Variants in NCKAP5 observed in about 807,000 individuals in gnomAD.
NCKAP5 encodes the protein NCK associated protein 5.
A neutral mutation model predicts 167.0 loss-of-function variants in NCKAP5; 92 were observed. The ratio of observed to expected loss-of-function variants is 0.55; its 90% CI spans 0.47 to 0.66. NCKAP5 has a LOEUF of 0.66. Ranked by LOEUF, NCKAP5 falls within the 30% of genes least tolerant of loss-of-function variation. The pLI, the probability that NCKAP5 is intolerant of heterozygous loss-of-function variation, is 0.00. For missense variants in NCKAP5, 2,378 were observed against 2,315.0 expected, an observed-to-expected ratio of 1.03 and a Z score of -0.56; for synonymous variants, 891 against 877.4, an observed-to-expected ratio of 1.02 and a Z score of -0.27.
intron 4 of NCKAP5, among the ~76,000 whole-genome samples, chr2:133,243,616 A>C (rs115044243): frequency 5.3e-4 from 80 of 152,290 alleles, no homozygotes; most frequent in Admixed American, 1.5e-3. Flanking sequence ...ACGTTCAACT[A>C]ATCTAAGCCC....
At chr2:133,447,300 C>T (rs1044133020) in intron 3 of NCKAP5, among the ~76,000 whole-genome samples, 2 of 152,202 alleles carry the variant, frequency 1.3e-5, no homozygotes, top group African/African-American at 2.4e-5. Flanking sequence ...AGGTAAATGT[C>T]AAGGTCCTTG....
chr2:133,317,395 A>AAG (rs1414634235), intron 3 of NCKAP5, among the ~76,000 whole-genome samples: 4 of 152,106 alleles, frequency 2.6e-5, no homozygotes, highest in African/African-American at 9.7e-5. Context: ...TCCTTCCAGC[A>AAG]AGTGGTAGGA....
chr2:132,866,128 T>C lies in NCKAP5; in HGVS notation c.687+2808A>G, dbSNP rs540846038. 3.9e-5 allele frequency among the ~76,000 whole-genome samples: 6 copies of C among 152,332 alleles called. No individual in the cohort carries two copies. In the South Asian group the frequency reaches 1.2e-3, roughly 32 times the overall value. ...GTGAAGAAAACACATCATCGAAATATGTGTTTCCTCCAAAGAACATGCAGA... is the reference window on the plus strand; with the variant it reads ...GTGAAGAAAACACATCATCGAAATACGTGTTTCCTCCAAAGAACATGCAGA... On this transcript the variant is annotated intron_variant, in intron 10 of 19. Transcript: ENST00000409261.
chr2:133,141,562 A>G (rs947994971), intron 5 of NCKAP5, among the ~76,000 whole-genome samples: 5 of 152,202 alleles, frequency 3.3e-5, no homozygotes, highest in Non-Finnish European at 7.3e-5. Context: ...AAGTGGGAGA[A>G]TAATTATAAT....
chr2:133,351,780 C>A (rs1210385376), intron 3 of NCKAP5, among the ~76,000 whole-genome samples: 1 of 152,110 alleles, frequency 6.6e-6, no homozygotes. Flanking sequence ...CATTGGATCT[C>A]AGGAAAGCAT....
In NCKAP5 at chr2:133,115,242, T is replaced by C. The variant is rs527977183; in HGVS notation, c.341+14736A>G. On this transcript the variant is annotated intron_variant, in intron 6 of 19. Transcript: ENST00000409261. ...GATGTATGAATTGAGCTGTTTTTGA[T>C]TGGTGGAAGACTTTTCAAATTGGAT... 5.3e-5 allele frequency among the ~76,000 whole-genome samples: 8 copies of C among 152,322 alleles called. No homozygotes were observed. The East Asian group carries it at 1.2e-3, about 22-fold the overall frequency.
intron 8 of NCKAP5, among the ~76,000 whole-genome samples, chr2:132,937,749 G>A (rs1473666479): frequency 2.0e-5 from 3 of 152,222 alleles, no homozygotes; most frequent in East Asian, 1.9e-4. Context: ...TTCAACTGGT[G>A]TGCAACAGGA....
intron 5 of NCKAP5, among the ~76,000 whole-genome samples, chr2:133,140,344 C>T (rs1482835842): frequency 6.6e-6 from 1 of 152,142 alleles, no homozygotes; most frequent in Admixed American, 6.5e-5. Context: ...TTCAGAATGG[C>T]TACAGATCTA....
intron 11 of NCKAP5, among the ~76,000 whole-genome samples, chr2:132,855,543 T>A (rs1484741395): frequency 6.6e-6 from 1 of 152,224 alleles, no homozygotes; most frequent in Non-Finnish European, 1.5e-5. Flanking sequence ...TAAGGTGAAC[T>A]TATATCCCAA....
chr2:133,112,696 A>C (rs1472508663), intron 6 of NCKAP5, among the ~76,000 whole-genome samples: 1 of 152,248 alleles, frequency 6.6e-6, no homozygotes, highest in Non-Finnish European at 1.5e-5. Flanking sequence ...AGTAAGACTC[A>C]GAAGTATTGG....
intron 8 of NCKAP5, among the ~76,000 whole-genome samples, chr2:132,895,204 G>A (rs549109430): frequency 1.8e-4 from 27 of 151,924 alleles, no homozygotes; most frequent in South Asian, 8.3e-4. Context: ...GGTGGCGGGC[G>A]CCTGTAGTCC....
intron 6 of NCKAP5, among the ~76,000 whole-genome samples, chr2:133,046,755 AGGCAAAGCATT>A (rs2079414602): frequency 6.6e-6 from 1 of 152,208 alleles, no homozygotes; most frequent in Non-Finnish European, 1.5e-5. Context: ...ATAAGGCAAT[AGGCAAAGCATT>A]GCCAATTACG....
intron 3 of NCKAP5, among the ~76,000 whole-genome samples, chr2:133,375,836 G>C (rs1463882958): frequency 6.6e-6 from 1 of 152,166 alleles, no homozygotes; most frequent in Non-Finnish European, 1.5e-5. Flanking sequence ...TCTTTATCCA[G>C]TCTATCACTG....
Position 132,894,998 on chromosome 2 carries a change from C to T in NCKAP5, c.580-16082G>A, listed in dbSNP as rs180969636. Among the ~76,000 whole-genome samples the T allele has an allele frequency of 3.3e-5, 5 of 152,252 alleles. No homozygotes were observed. In the East Asian group the frequency reaches 9.7e-4, roughly 30 times the overall value. ...CATAAGGACTTGGGAAACCCTTTGACTTGTTTTTGTCATCTGGAGTGTCCT... is the reference window on the plus strand; with the variant it reads ...CATAAGGACTTGGGAAACCCTTTGATTTGTTTTTGTCATCTGGAGTGTCCT... On this transcript the variant is annotated intron_variant, in intron 8 of 19. Transcript: ENST00000409261.
intron 3 of NCKAP5, among the ~76,000 whole-genome samples, chr2:133,482,045 G>A (rs903793974): frequency 2.6e-5 from 4 of 152,022 alleles, no homozygotes; most frequent in Middle Eastern, 3.4e-3. Flanking sequence ...TTATGTTCAC[G>A]TTTTTTAATC....
chr2:133,472,753 T>C (rs900971335), intron 3 of NCKAP5, among the ~76,000 whole-genome samples: 1 of 152,152 alleles, frequency 6.6e-6, no homozygotes, highest in Non-Finnish European at 1.5e-5. Flanking sequence ...TCTGAGCAGA[T>C]ATTCTCAGAT....
intron 11 of NCKAP5, among the ~76,000 whole-genome samples, chr2:132,848,522 C>T (rs896000004): frequency 1.3e-5 from 2 of 152,030 alleles, no homozygotes; most frequent in East Asian, 1.9e-4. Flanking sequence ...ATCTCATGTC[C>T]GAAAGTGTAT....
chr2:133,207,694 T>C (rs1405222004), intron 5 of NCKAP5, among the ~76,000 whole-genome samples: 1 of 152,074 alleles, frequency 6.6e-6, no homozygotes, highest in Non-Finnish European at 1.5e-5. Flanking sequence ...GATGGGAGCA[T>C]GTCAAAAAGA....
chr2:133,618,397 C>G, the NCKAP5 span, among the ~76,000 whole-genome samples: 11 of 151,828 alleles, frequency 7.2e-5, no homozygotes, highest in Non-Finnish European at 1.3e-4. Flanking sequence ...ATTTTCACAA[C>G]CCACTCATCT....
Sources: allele counts gnomAD v4.1 joint callset (sites outside exome capture counted in the v4.1 genomes callset), GRCh38; gene constraint gnomAD v4.1.1; transcripts MANE v1.5; gene names NCBI Gene and HGNC (gene_info 2026-07-23, HGNC 2026-07-21).